CCDC85C: variants seen among roughly 807,000 people sequenced by gnomAD.
CCDC85C encodes the protein coiled-coil domain containing 85C, also known as coiled-coil domain-containing protein 85C.
In CCDC85C, 18 loss-of-function variants were observed where a neutral mutation model predicts 38.3. The observed-to-expected ratio is 0.47, with a 90% CI of 0.33 to 0.70. CCDC85C has a LOEUF of 0.70. Ranked by LOEUF, CCDC85C falls within the 30% of genes least tolerant of loss-of-function variation. CCDC85C has a pLI of 0.03. For synonymous variants in CCDC85C, 264 were observed against 293.8 expected (o/e 0.90, Z 1.04); for missense variants, 566 against 621.2 (o/e 0.91, Z 0.94).
At chr14:99,574,352 G>A (rs1328059483) in intron 1 of CCDC85C, among the ~76,000 whole-genome samples, 2 of 152,052 alleles carry the variant, frequency 1.3e-5, no homozygotes, top group African/African-American at 4.8e-5. Flanking sequence ...TCCTGGATTG[G>A]AAGACACTGA....
intron 1 of CCDC85C, among the ~76,000 whole-genome samples, chr14:99,536,905 C>T (rs927005344): frequency 6.6e-6 from 1 of 152,220 alleles, no homozygotes; most frequent in Admixed American, 6.5e-5. Flanking sequence ...TGCCTCCCCC[C>T]AGGCTGGGAG....
chr14:99,578,757 T>C (rs745952631), intron 1 of CCDC85C, among the ~76,000 whole-genome samples: 6 of 152,238 alleles, frequency 3.9e-5, no homozygotes, highest in Non-Finnish European at 5.9e-5. Context: ...GACAATTTTA[T>C]TTCCTCTAAT....
Position 99,603,158 on chromosome 14 carries a change from A to C in CCDC85C, c.793+9T>G. 1 of 1,360,978 alleles carries C rather than the reference A, an allele frequency of 7.3e-7. No individual in the cohort carries two copies. The highest frequency in any genetic ancestry group is 9.4e-7 in the Non-Finnish European group (1 of 1,059,590). The allele number at this position is 1,360,978 out of a possible 1,614,324, so 84.3% of individuals were successfully genotyped here. A position where few individuals can be genotyped will look rare whatever the true frequency, so the allele number is the denominator to read the frequency against. ...GAGACCCGCGCTGCCCGGCCCGTGT[A>C]GTCCTTACCGTGCAGGCCGTTGGGG... On this transcript the variant is annotated intron_variant, in intron 1 of 5. Transcript: ENST00000380243. The surrounding 1 kb of genome is among the most constrained non-coding windows in gnomAD (Gnocchi z 7.5).
At chr14:99,594,520 C>T (rs530967001) in intron 1 of CCDC85C, among the ~76,000 whole-genome samples, 21 of 152,360 alleles carry the variant, frequency 1.4e-4, no homozygotes, top group African/African-American at 4.8e-4. Context: ...GGACCAACCA[C>T]GAGGCAGGTG....
chr14:99,525,783 C>A (rs1595341625), intron 2 of CCDC85C, among the ~76,000 whole-genome samples: 1 of 152,208 alleles, frequency 6.6e-6, no homozygotes, highest in African/African-American at 2.4e-5. Context: ...CAGGCTGATT[C>A]ATACAGAATG....
chr14:99,534,110 C>T (rs984633076), intron 2 of CCDC85C, among the ~76,000 whole-genome samples: 2 of 152,108 alleles, frequency 1.3e-5, no homozygotes, highest in African/African-American at 4.8e-5. Flanking sequence ...AATCCCAGCA[C>T]TTTGGGAGCC....
rs933620952 is a variant in CCDC85C, at chr14:99,544,309, A to G, written c.794-8221T>C. Among the ~76,000 whole-genome samples the G allele has an allele frequency of 1.3e-5, 2 of 152,048 alleles. No individual in the cohort carries two copies. The highest frequency in any genetic ancestry group is 4.8e-5 in the African/African-American group (2 of 41,384). On this transcript the variant is annotated intron_variant, in intron 1 of 5. Coordinates refer to ENST00000380243, the MANE Select transcript of CCDC85C (RefSeq NM_001144995.2). This position sits in a 1 kb window ranked among gnomAD's most constrained non-coding sequence, Gnocchi z 5.3. ...CACACCAACCCCGGGGTTCTGGCGC[A>G]CTGACCCTGGGCCTCTCAAGACATC...
At chr14:99,582,080 C>G (rs2054977768) in intron 1 of CCDC85C, among the ~76,000 whole-genome samples, 2 of 152,188 alleles carry the variant, frequency 1.3e-5, no homozygotes, top group Admixed American at 1.3e-4. Flanking sequence ...CATGTTCACT[C>G]AGGATCAGCC....
chr14:99,501,274 G>C lies in CCDC85C; in HGVS notation c.*13972C>G. The C allele has an allele frequency of 2.3e-6, 2 of 886,536 alleles. No individual in the cohort carries two copies. The highest frequency in any genetic ancestry group is 2.7e-5 in the South Asian group (2 of 74,930). 54.9% of individuals were successfully genotyped at this position (886,536 alleles called of 1,614,324 possible). ...TGTGTATTTGAGTGGTGCTGAACACGTGGTAGGTTTTTAATAAATACTTGA... is the reference window on the plus strand; with the variant it reads ...TGTGTATTTGAGTGGTGCTGAACACCTGGTAGGTTTTTAATAAATACTTGA... On this transcript the variant is annotated 3_prime_UTR_variant, in exon 6 of 6. Transcript: ENST00000380243.
intron 1 of CCDC85C, among the ~76,000 whole-genome samples, chr14:99,602,079 G>C (rs1217155356): frequency 1.3e-5 from 2 of 152,250 alleles, no homozygotes; most frequent in African/African-American, 4.8e-5. Context: ...ACCAGAAAGA[G>C]CTGTTCATTC....
chr14:99,531,595 T>C (rs764642097), intron 2 of CCDC85C, among the ~76,000 whole-genome samples: 2 of 41,528 alleles, frequency 4.8e-5, no homozygotes, highest in Non-Finnish European at 1.0e-4. Flanking sequence ...GGGGGGGGGG[T>C]GGGACCGCGG....
intron 1 of CCDC85C, among the ~76,000 whole-genome samples, chr14:99,579,148 G>A (rs1444328063): frequency 3.3e-5 from 5 of 152,180 alleles, no homozygotes; most frequent in Non-Finnish European, 7.4e-5. Flanking sequence ...TGCTCGCCTG[G>A]GTACCCACAC....
intron 1 of CCDC85C, among the ~76,000 whole-genome samples, chr14:99,573,393 G>A (rs935230545): frequency 2.0e-5 from 3 of 152,230 alleles, no homozygotes; most frequent in African/African-American, 7.2e-5. Context: ...TTTGTTCTGA[G>A]CTCCACTGAA....
At chr14:99,532,877 G>A (rs1307909357) in intron 2 of CCDC85C, among the ~76,000 whole-genome samples, 1 of 151,488 alleles carries the variant, frequency 6.6e-6, no homozygotes, top group East Asian at 1.9e-4. Flanking sequence ...CGCCTCCCAG[G>A]TTTGAGCAAT....
rs1199136157 is a variant in CCDC85C, at chr14:99,558,012, G to A, written c.794-21924C>T. Among the ~76,000 whole-genome samples the A allele has an allele frequency of 6.6e-6, 1 of 152,188 alleles. No individual in the cohort carries two copies. Among genetic ancestry groups the A allele is most frequent in the Non-Finnish European group, 1.5e-5 (1 of 68,026 alleles). On this transcript the variant is annotated intron_variant, in intron 1 of 5. Transcript: ENST00000380243. This position sits in a 1 kb window ranked among gnomAD's most constrained non-coding sequence, Gnocchi z 4.2. Reference sequence around the variant, plus strand: ...GCTGAAAGGATGAAATATCACAGAAGAAAGTGCGTGTGCAGCTTAATCTTA... The same window carrying A: ...GCTGAAAGGATGAAATATCACAGAAAAAAGTGCGTGTGCAGCTTAATCTTA...
chr14:99,598,581 C>T (rs1410503323), intron 1 of CCDC85C, among the ~76,000 whole-genome samples: 1 of 152,178 alleles, frequency 6.6e-6, no homozygotes, highest in Non-Finnish European at 1.5e-5. Flanking sequence ...AATGAGGCCC[C>T]GGGCCTGGCA....
rs1026969051 is a variant in CCDC85C, at chr14:99,548,283, T to G, written c.794-12195A>C. 6.6e-6 allele frequency among the ~76,000 whole-genome samples: 1 copy of G among 152,118 alleles called. No individual in the cohort carries two copies. Among genetic ancestry groups the G allele is most frequent in the Non-Finnish European group, 1.5e-5 (1 of 68,034 alleles). The stretch of plus-strand genomic sequence containing the variant: ...AGAGCCACAAAAGACGAATCCTGGA[T>G]AGCCAAGAAGTCTGTGAGGAGACGC... On this transcript the variant is annotated intron_variant, in intron 1 of 5. Coordinates refer to ENST00000380243, the MANE Select transcript of CCDC85C (RefSeq NM_001144995.2). The surrounding 1 kb of genome is among the most constrained non-coding windows in gnomAD (Gnocchi z 4.9).
intron 2 of CCDC85C, among the ~76,000 whole-genome samples, chr14:99,527,385 TG>T (rs567031119): frequency 6.6e-5 from 10 of 152,106 alleles, no homozygotes; most frequent in Non-Finnish European, 1.3e-4. Context: ...AGCTCGGGCA[TG>T]GGGTGGAAGA....
intron 3 of CCDC85C, among the ~76,000 whole-genome samples, chr14:99,518,819 T>G (rs1386053245): frequency 6.6e-6 from 1 of 152,156 alleles, no homozygotes; most frequent in African/African-American, 2.4e-5. Context: ...GGGGGTGGGC[T>G]GTGCAAGCCG....
Sources: gnomAD v4.1 joint callset for allele counts (sites outside exome capture counted in the v4.1 genomes callset) on GRCh38, gnomAD v4.1.1 for gene constraint, Gnocchi (gnomAD v3.1) non-coding constraint, MANE v1.5 for transcripts, NCBI Gene and HGNC (gene_info 2026-07-23, HGNC 2026-07-21) for gene names.